The following IGSF10 variants were observed in gnomAD, a reference collection of about 807,000 sequenced individuals.
IGSF10 encodes the protein calvaria mechanical force protein 608.
Under a neutral mutation model 128.2 loss-of-function variants are expected in IGSF10, and 126 were observed. The ratio of observed to expected loss-of-function variants is 0.98; its 90% CI spans 0.85 to 1.14. The LOEUF (loss-of-function observed/expected upper bound fraction) is 1.14. Ranked by LOEUF, IGSF10 falls within the 50% of genes most tolerant of loss-of-function variation. The pLI is 0.00. For synonymous variants in IGSF10, 1,185 were observed against 1,146.2 expected, an observed-to-expected ratio of 1.03 and a Z score of -0.68; for missense variants, 3,295 against 3,149.8, an observed-to-expected ratio of 1.05 and a Z score of -1.10.
the IGSF10 span, among the ~76,000 whole-genome samples, chr3:151,619,884 C>T: frequency 0.49 from 74,648 of 151,858 alleles, 18,715 homozygotes; most frequent in Middle Eastern, 0.57. Context: ...GTCAGTTTGG[C>T]TGTCTCTCTA....
chr3:151,539,854 A>G, the IGSF10 span, among the ~76,000 whole-genome samples: 1 of 151,542 alleles, frequency 6.6e-6, no homozygotes, highest in African/African-American at 2.4e-5. Context: ...CTGTCTATCT[A>G]TCATCTCTGT....
Position 151,448,846 on chromosome 3 carries a change from C to G in IGSF10, c.1135G>C (p.Ala379Pro). ...ATCAGAGGAGAATCACTGTACAAAG[C>G]CAAAATTTGCCACACTGGCTGAATG... ...GHIQPVWQIL[A>P]LYSDSPLILE... The change falls in exon 6 of 8, where the codon GCT becomes CCT. Residue 379 changes from alanine (A) to proline (P), a missense_variant. Transcript: ENST00000282466. 1 of 1,613,876 alleles carries G rather than the reference C, an allele frequency of 6.2e-7. No homozygotes were observed. The highest frequency in any genetic ancestry group is 8.5e-7 in the Non-Finnish European group (1 of 1,179,784).
At chr3:151,494,102 TTAG>T in the IGSF10 span, among the ~76,000 whole-genome samples, 2 of 152,044 alleles carry the variant, frequency 1.3e-5, no homozygotes, top group Non-Finnish European at 2.9e-5. Flanking sequence ...AATTTCTAAT[TTAG>T]TAGCTTTAAG....
the IGSF10 span, among the ~76,000 whole-genome samples, chr3:151,606,406 T>C: frequency 2.6e-5 from 4 of 152,268 alleles, no homozygotes; most frequent in Admixed American, 2.0e-4. Context: ...GGTAAGATCA[T>C]TGTTTAGGAT....
chr3:151,578,358 CA>C, the IGSF10 span, among the ~76,000 whole-genome samples: 1 of 152,162 alleles, frequency 6.6e-6, no homozygotes, highest in East Asian at 1.9e-4. Context: ...GGTTACAATA[CA>C]AAAGCAGCTA....
At chr3:151,434,975 TTTACCCCTGCGCATTATAAAGAAAA>T (rs1719938964), downstream of IGSF10, 1 of 151,130 alleles carries the variant, frequency 6.6e-6, no homozygotes, top group East Asian at 2.0e-4. Context: ...GGAATGCTGT[TTTACCCCTGCGCATTATAAAGAAAA>T]TAACTAGAAT....
At chr3:151,525,811 C>T in the IGSF10 span, among the ~76,000 whole-genome samples, 1 of 152,180 alleles carries the variant, frequency 6.6e-6, no homozygotes, top group Non-Finnish European at 1.5e-5. Flanking sequence ...CAGGGATAAT[C>T]TCCCTTCCGA....
the IGSF10 span, among the ~76,000 whole-genome samples, chr3:151,498,430 C>T: frequency 3.3e-5 from 5 of 152,184 alleles, no homozygotes; most frequent in South Asian, 6.2e-4. Flanking sequence ...ACTGGCAAAT[C>T]GAATCCAGCA....
Position 151,447,649 on chromosome 3 carries a change from T to C in IGSF10, c.2332A>G (p.Ser778Gly). Residue 778 changes from serine (S) to glycine (G), a missense_variant, in exon 6 of 8, where the codon AGC becomes GGC. Coordinates refer to ENST00000282466, the MANE Select transcript of IGSF10 (RefSeq NM_178822.5). ...MPDKRENTTVSPPPVVTQLPN... is the reference protein window; with the variant it reads ...MPDKRENTTVGPPPVVTQLPN... ...AGTTGGGTGACCACTGGGGGTGGGCTCACTGTGGTATTTTCTCGCTTGTCT... is the reference window on the plus strand; with the variant it reads ...AGTTGGGTGACCACTGGGGGTGGGCCCACTGTGGTATTTTCTCGCTTGTCT... 1 of 1,614,110 alleles carries C rather than the reference T, an allele frequency of 6.2e-7. No homozygotes were observed. The highest frequency in any genetic ancestry group is 8.5e-7 in the Non-Finnish European group (1 of 1,180,010).
At chr3:151,474,472 TATG>T in the IGSF10 span, among the ~76,000 whole-genome samples, 3 of 152,208 alleles carry the variant, frequency 2.0e-5, no homozygotes, top group African/African-American at 4.8e-5. Flanking sequence ...TCCAAGTTAT[TATG>T]ATTTGTATTA....
chr3:151,480,180 T>C, the IGSF10 span, among the ~76,000 whole-genome samples: 2 of 152,152 alleles, frequency 1.3e-5, no homozygotes, highest in Admixed American at 1.3e-4. Flanking sequence ...TAAACAACTA[T>C]ATTTTGACCA....
the IGSF10 span, among the ~76,000 whole-genome samples, chr3:151,610,483 T>C: frequency 6.6e-6 from 1 of 152,224 alleles, no homozygotes; most frequent in African/African-American, 2.4e-5. Flanking sequence ...ATAGGTGTGA[T>C]AGCTAGTCAG....
At chr3:151,514,672 G>A in the IGSF10 span, among the ~76,000 whole-genome samples, 1 of 152,128 alleles carries the variant, frequency 6.6e-6, no homozygotes, top group Non-Finnish European at 1.5e-5. Context: ...CCGTCAGAGT[G>A]AACAGGCAAC....
In IGSF10 at chr3:151,447,562, T is replaced by C. The variant is rs1721269709; in HGVS notation, c.2419A>G (p.Met807Val). Reference protein sequence around the residue: ...SGMLALHEEFMVPATKALNLP... With the variant: ...SGMLALHEEFVVPATKALNLP... ...TTCAAAGCTTTAGTGGCCGGGACCATAAATTCCTCATGTAGAGCGAGCATG... is the reference window on the plus strand; with the variant it reads ...TTCAAAGCTTTAGTGGCCGGGACCACAAATTCCTCATGTAGAGCGAGCATG... Residue 807 changes from methionine (M) to valine (V), a missense_variant, in exon 6 of 8, where the codon ATG becomes GTG. Transcript: ENST00000282466. 6.2e-7 allele frequency: 1 copy of C among 1,614,178 alleles called. No individual in the cohort carries two copies. Among genetic ancestry groups the C allele is most frequent in the African/African-American group, 1.3e-5 (1 of 75,038 alleles).
At chr3:151,612,339 G>C in the IGSF10 span, among the ~76,000 whole-genome samples, 3 of 152,130 alleles carry the variant, frequency 2.0e-5, no homozygotes, top group Admixed American at 6.6e-5. Context: ...TACAATCCTA[G>C]GCTGTTCTAA....
At chr3:151,581,436 C>T in the IGSF10 span, among the ~76,000 whole-genome samples, 861 of 152,140 alleles carry the variant, frequency 5.7e-3, no homozygotes, top group Non-Finnish European at 9.3e-3. Flanking sequence ...ACTACCAAAC[C>T]GTATCTAGAG....
At chr3:151,555,529 G>C in the IGSF10 span, among the ~76,000 whole-genome samples, 1 of 152,080 alleles carries the variant, frequency 6.6e-6, no homozygotes, top group Non-Finnish European at 1.5e-5. Context: ...GAATTAAAGT[G>C]GTCCATGGTA....
At chr3:151,547,321 A>G in the IGSF10 span, among the ~76,000 whole-genome samples, 2 of 152,076 alleles carry the variant, frequency 1.3e-5, no homozygotes, top group Admixed American at 1.3e-4. Context: ...GAGCAATGCC[A>G]TAGCCAGTGA....
At chr3:151,435,190 G>A (rs1032213329), downstream of IGSF10, 1 of 115,876 alleles carries the variant, frequency 8.6e-6, no homozygotes, top group African/African-American at 3.5e-5. Flanking sequence ...GAATAAGATG[G>A]AGCGAGACCC....
Sources: gnomAD v4.1 joint callset for allele counts (sites outside exome capture counted in the v4.1 genomes callset) on GRCh38, gnomAD v4.1.1 for gene constraint, MANE v1.5 for transcripts, NCBI Gene and HGNC (gene_info 2026-07-23, HGNC 2026-07-21) for gene names.